The following LRP1B variants were observed in gnomAD, a reference collection of about 807,000 sequenced individuals.
LRP1B encodes the protein LDL receptor related protein 1B.
Under a neutral mutation model 556.6 loss-of-function variants are expected in LRP1B, and 217 were observed. The observed-to-expected ratio is 0.39, with a 90% CI of 0.35 to 0.44. The LOEUF (loss-of-function observed/expected upper bound fraction) is 0.44, where lower values mean the gene tolerates loss of function less well. LRP1B is among the 20% of genes least tolerant of loss of function. The probability of loss-of-function intolerance (pLI) is 1.00; values close to 1 mark genes in which losing one functional copy is unlikely to be tolerated. For synonymous variants in LRP1B, 2,047 were observed against 1,865.8 expected, an observed-to-expected ratio of 1.10 and a Z score of -2.50; for missense variants, 5,053 against 5,620.8, an observed-to-expected ratio of 0.90 and a Z score of 3.23.
At position 141,610,424 on chromosome 2, in the gene LRP1B, T is replaced by G. The variant is rs1688069252; in HGVS notation, c.206-129891A>C. Among the ~76,000 whole-genome samples, 3 of 150,094 alleles carry G rather than the reference T, an allele frequency of 2.0e-5. No homozygotes were observed. The Admixed American group carries it at 2.0e-4, about 10-fold the overall frequency. On this transcript the variant is annotated intron_variant, in intron 2 of 90. Transcript: ENST00000389484. ...CAGTGTTTCCCTCAGAATACCATGC[T>G]TTTCTAAGCTGCCACGTGTTTGCTC...
intron 1 of LRP1B, among the ~76,000 whole-genome samples, chr2:142,118,396 T>A (rs1175461198): frequency 6.6e-6 from 1 of 152,144 alleles, no homozygotes; most frequent in Admixed American, 6.6e-5. Context: ...TTTTCAGGTG[T>A]CTCCCCAGCT....
At chr2:140,543,357 G>A (rs1200745282) in intron 43 of LRP1B, among the ~76,000 whole-genome samples, 1 of 130,142 alleles carries the variant, frequency 7.7e-6, no homozygotes, top group Non-Finnish European at 1.7e-5. Context: ...AGCGAAATCA[G>A]TAAAACTAAA....
intron 1 of LRP1B, among the ~76,000 whole-genome samples, chr2:141,872,900 G>T (rs10439189): frequency 0.17 from 26,202 of 151,872 alleles, 2,301 homozygotes; most frequent in South Asian, 0.19. Flanking sequence ...TTTCCTTTAA[G>T]TATCAAGGCT....
chr2:141,994,395 C>G (rs773096528), intron 1 of LRP1B, among the ~76,000 whole-genome samples: 1 of 152,114 alleles, frequency 6.6e-6, no homozygotes, highest in Non-Finnish European at 1.5e-5. Flanking sequence ...TGGAAATTCA[C>G]GAAAGTCGAT....
At chr2:140,737,180 T>C (rs75568002) in intron 35 of LRP1B, among the ~76,000 whole-genome samples, 6,813 of 152,168 alleles carry the variant, frequency 0.045, 229 homozygotes, top group South Asian at 0.092. Flanking sequence ...AATGAAGAAG[T>C]AGCCAAGGCC....
intron 11 of LRP1B, among the ~76,000 whole-genome samples, chr2:141,036,819 G>A (rs1467733340): frequency 6.6e-6 from 1 of 151,832 alleles, no homozygotes; most frequent in East Asian, 1.9e-4. Context: ...TGGAAAAGGG[G>A]CACAAAAATT....
intron 35 of LRP1B, among the ~76,000 whole-genome samples, chr2:140,738,757 C>CA (rs1293255117): frequency 6.6e-6 from 1 of 152,162 alleles, no homozygotes; most frequent in East Asian, 1.9e-4. Context: ...TACTCACAGA[C>CA]ACTCTCCCCA....
rs1463170871 is a variant in LRP1B at position 140,373,124 on chromosome 2, G to A, written c.10652C>T (p.Thr3551Ile). 1 of 1,612,750 alleles carries A rather than the reference G, an allele frequency of 6.2e-7. No homozygotes were observed. The highest frequency in any genetic ancestry group is 8.5e-7 in the Non-Finnish European group (1 of 1,179,294). ...CCGGAACTGATCTTTGGAACAACTTGTCTCACAATTTCTCTATGAAAAACA... is the reference window on the plus strand; with the variant it reads ...CCGGAACTGATCTTTGGAACAACTTATCTCACAATTTCTCTATGAAAAACA... ...ADGSDERNCE[T>I]SCSKDQFRCS... The change falls in exon 69 of 91, where the codon ACA becomes ATA. Residue 3551 changes from threonine (T) to isoleucine (I), a missense_variant. This residue lies in a region of LRP1B where 599 missense variants were observed against 648.4 expected (regional missense o/e 0.92). Coordinates refer to ENST00000389484, the MANE Select transcript of LRP1B (RefSeq NM_018557.3).
chr2:140,475,083 A>T, intron 60 of LRP1B, 55 bp downstream of exon 60: 1 of 817,796 alleles, frequency 1.2e-6, no homozygotes, highest in Non-Finnish European at 1.7e-6. Context: ...TATATTTTTA[A>T]ATAAATATTT....
At chr2:141,138,435 A>C (rs934196953) in intron 7 of LRP1B, among the ~76,000 whole-genome samples, 20 of 152,020 alleles carry the variant, frequency 1.3e-4, no homozygotes, top group Admixed American at 5.9e-4. Context: ...TCAGGCAAGA[A>C]AAAGAATTAA....
At chr2:140,973,082 T>TATATA (rs1696485880) in intron 18 of LRP1B, among the ~76,000 whole-genome samples, 3 of 118,752 alleles carry the variant, frequency 2.5e-5, no homozygotes, top group South Asian at 3.1e-4. Context: ...ATATATATAT[T>TATATA]TCTAAACACA....
chr2:141,551,737 A>G (rs1245972114), intron 2 of LRP1B, among the ~76,000 whole-genome samples: 1 of 152,008 alleles, frequency 6.6e-6, no homozygotes, highest in Non-Finnish European at 1.5e-5. Flanking sequence ...CCCTATGAAA[A>G]ATACTAAAGT....
chr2:140,352,886 C>T (rs966952979), intron 76 of LRP1B, 67 bp downstream of exon 76: 15 of 1,463,216 alleles, frequency 1.0e-5, no homozygotes, highest in Non-Finnish European at 1.4e-5. Flanking sequence ...AAATATAAAA[C>T]ATTTTTCTCC....
intron 35 of LRP1B, among the ~76,000 whole-genome samples, chr2:140,743,791 C>G (rs35097533): frequency 6.6e-6 from 1 of 151,382 alleles, no homozygotes; most frequent in Non-Finnish European, 1.5e-5. Flanking sequence ...AACCCTGTCT[C>G]TACTAAAAAT....
intron 6 of LRP1B, among the ~76,000 whole-genome samples, chr2:141,210,503 T>C (rs300354): frequency 6.6e-6 from 1 of 152,190 alleles, no homozygotes; most frequent in South Asian, 2.1e-4. Flanking sequence ...TTAAACATTA[T>C]GGGTTTCAAA....
At chr2:140,284,391 G>A (rs997986214) in intron 84 of LRP1B, among the ~76,000 whole-genome samples, 3 of 146,490 alleles carry the variant, frequency 2.0e-5, no homozygotes, top group African/African-American at 7.5e-5. Flanking sequence ...ATGCATGGTG[G>A]ATAAAGCTGG....
chr2:141,519,588 G>T, intron 2 of LRP1B, among the ~76,000 whole-genome samples: 1 of 151,690 alleles, frequency 6.6e-6, no homozygotes. Context: ...CACTCTTATT[G>T]ACTTGAGATG....
chr2:141,696,044 A>T (rs1183987045), intron 2 of LRP1B, among the ~76,000 whole-genome samples: 1 of 151,978 alleles, frequency 6.6e-6, no homozygotes, highest in Non-Finnish European at 1.5e-5. Flanking sequence ...ATAATTCACA[A>T]ATACCCTTTA....
rs1491530017 is a variant in LRP1B at position 141,221,287 on chromosome 2, A to AT, written c.850+7895dup. Among the ~76,000 whole-genome samples, 42 of 30,520 alleles carry AT rather than the reference A, an allele frequency of 1.4e-3. 1 individual carries two copies. The highest frequency in any genetic ancestry group is 2.8e-3 in the African/African-American group (41 of 14,420). The allele number at this position is 30,520 out of a possible 152,430, so 20.0% of individuals were successfully genotyped here. A position where few individuals can be genotyped will look rare whatever the true frequency, so the allele number is the denominator to read the frequency against. On this transcript the variant is annotated intron_variant, in intron 6 of 90. Coordinates refer to ENST00000389484, the MANE Select transcript of LRP1B (RefSeq NM_018557.3). Reference sequence around the variant, plus strand: ...GACAAAGCAGACTAAGCCAACAAAGATAAAAAAAAAAAAAAAAAAAACCAA... The same window carrying AT: ...GACAAAGCAGACTAAGCCAACAAAGATTAAAAAAAAAAAAAAAAAAAACCAA...
Sources: gnomAD v4.1 joint callset for allele counts (sites outside exome capture counted in the v4.1 genomes callset) on GRCh38, gnomAD v4.1.1 for gene constraint, gnomAD v4.1.1 regional missense constraint, MANE v1.5 for transcripts, NCBI Gene and HGNC (gene_info 2026-07-23, HGNC 2026-07-21) for gene names.